Variants in LINGO2 observed in about 807,000 individuals in gnomAD.
LINGO2 encodes the protein leucine-rich repeat and immunoglobulin-like domain-containing nogo receptor-interacting protein 2.
Under a neutral mutation model 30.6 loss-of-function variants are expected in LINGO2, and 14 were observed. That is an observed-to-expected ratio of 0.46 (90% CI 0.30 to 0.72). LINGO2 has a LOEUF of 0.72. Ranked by LOEUF, LINGO2 falls within the 30% of genes least tolerant of loss-of-function variation. The pLI, the probability that LINGO2 is intolerant of heterozygous loss-of-function variation, is 0.07. For missense variants in LINGO2, 729 were observed against 751.7 expected, an observed-to-expected ratio of 0.97 and a Z score of 0.35; for synonymous variants, 317 against 288.5, an observed-to-expected ratio of 1.10 and a Z score of -1.00.
chr9:28,883,650 A>G, the LINGO2 span, among the ~76,000 whole-genome samples: 6,957 of 129,410 alleles, frequency 0.054, 1,092 homozygotes, highest in Admixed American at 0.095. Context: ...ATATATATAT[A>G]TATATATATA....
the LINGO2 span, among the ~76,000 whole-genome samples, chr9:29,082,764 T>C: frequency 6.6e-6 from 1 of 152,152 alleles, no homozygotes; most frequent in South Asian, 2.1e-4. Flanking sequence ...CATCAACAAG[T>C]GGGCGAAGGA....
At chr9:27,973,114 T>C (rs1305429373) in intron 5 of LINGO2, among the ~76,000 whole-genome samples, 1 of 152,174 alleles carries the variant, frequency 6.6e-6, no homozygotes, top group African/African-American at 2.4e-5. Flanking sequence ...GAGCAGATGG[T>C]AGGACTTCTT....
intron 4 of LINGO2, among the ~76,000 whole-genome samples, chr9:28,182,891 C>G (rs1480532447): frequency 1.3e-5 from 2 of 152,146 alleles, no homozygotes; most frequent in Non-Finnish European, 2.9e-5. Context: ...TTGTAGAAGA[C>G]AGTGTGGCGA....
At chr9:28,851,374 C>T in the LINGO2 span, among the ~76,000 whole-genome samples, 1 of 152,180 alleles carries the variant, frequency 6.6e-6, no homozygotes, top group Middle Eastern at 3.4e-3. Flanking sequence ...TTTCATATTG[C>T]TGCCTCTCTG....
the LINGO2 span, among the ~76,000 whole-genome samples, chr9:28,886,482 T>G: frequency 6.6e-6 from 1 of 152,140 alleles, no homozygotes; most frequent in Non-Finnish European, 1.5e-5. Context: ...TCCTTGGATT[T>G]GAGGGTAATG....
chr9:28,909,478 G>T, the LINGO2 span, among the ~76,000 whole-genome samples: 3 of 151,964 alleles, frequency 2.0e-5, no homozygotes, highest in South Asian at 4.1e-4. Flanking sequence ...TGATTACTGA[G>T]TGTTAAGTGT....
At chr9:28,455,136 A>G (rs1824794746) in intron 2 of LINGO2, among the ~76,000 whole-genome samples, 1 of 151,904 alleles carries the variant, frequency 6.6e-6, no homozygotes. Flanking sequence ...TGTAGGAAAA[A>G]TCATCATGCT....
chr9:28,592,717 T>C (rs1004301807), intron 1 of LINGO2, among the ~76,000 whole-genome samples: 2 of 152,022 alleles, frequency 1.3e-5, no homozygotes, highest in Admixed American at 6.6e-5. Flanking sequence ...AGACCAACCC[T>C]TGGAGAAAGG....
intron 4 of LINGO2, among the ~76,000 whole-genome samples, chr9:28,163,324 AGT>A: frequency 6.6e-6 from 1 of 152,160 alleles, no homozygotes; most frequent in East Asian, 1.9e-4. Context: ...GCAGACGTTG[AGT>A]GTGTGAGTAT....
chr9:28,029,475 A>G (rs1373583249), intron 4 of LINGO2, among the ~76,000 whole-genome samples: 3 of 152,202 alleles, frequency 2.0e-5, no homozygotes, highest in Admixed American at 6.6e-5. Flanking sequence ...GGCAAGAGAG[A>G]TAGTTAAGCC....
At chr9:28,240,405 G>A (rs1478709680) in intron 4 of LINGO2, among the ~76,000 whole-genome samples, 1 of 152,050 alleles carries the variant, frequency 6.6e-6, no homozygotes, top group Non-Finnish European at 1.5e-5. Context: ...AACCAAAACA[G>A]CATGGTACTG....
the LINGO2 span, among the ~76,000 whole-genome samples, chr9:28,760,990 T>G: frequency 1.1e-4 from 11 of 104,746 alleles, no homozygotes; most frequent in Non-Finnish European, 2.1e-4. Context: ...ACCCCACAGT[T>G]TCCTTATCCA....
intron 1 of LINGO2, among the ~76,000 whole-genome samples, chr9:28,513,289 T>C (rs539105956): frequency 6.6e-6 from 1 of 152,220 alleles, no homozygotes; most frequent in Admixed American, 6.5e-5. Flanking sequence ...CTAACTACTA[T>C]GAGCTAACTG....
chr9:28,593,051 C>T lies in LINGO2; in HGVS notation c.-365+77149G>A, dbSNP rs115482227. ...GAGGAATGGGGATGCATTATATTAA[C>T]AAATACTAATTACATTTCCTGCTTT... On this transcript the variant is annotated intron_variant, in intron 1 of 5. Coordinates refer to ENST00000379992, the Ensembl canonical transcript of LINGO2. Among the ~76,000 whole-genome samples the T allele has an allele frequency of 5.6e-3, 858 of 152,118 alleles. 10 individuals carry two copies. Among genetic ancestry groups the T allele is most frequent in the African/African-American group, 0.02 (827 of 41,532 alleles).
chr9:28,117,774 G>C (rs1041632238), intron 4 of LINGO2, among the ~76,000 whole-genome samples: 23 of 149,434 alleles, frequency 1.5e-4, no homozygotes, highest in Admixed American at 2.7e-4. Context: ...TCGGCTCGCG[G>C]ACGGTGCGCA....
intron 3 of LINGO2, among the ~76,000 whole-genome samples, chr9:28,341,524 C>T (rs1284495618): frequency 6.6e-6 from 1 of 152,040 alleles, no homozygotes; most frequent in African/African-American, 2.4e-5. Context: ...TCCATGAAAG[C>T]AGCTAATAAA....
At chr9:28,940,614 C>T in the LINGO2 span, among the ~76,000 whole-genome samples, 1 of 152,056 alleles carries the variant, frequency 6.6e-6, no homozygotes, top group Non-Finnish European at 1.5e-5. Context: ...AATAAGACTA[C>T]AGTGGCTAAT....
At chr9:28,277,838 AAAAAAAAAAAAC>A (rs1325755565) in intron 4 of LINGO2, among the ~76,000 whole-genome samples, 26 of 111,086 alleles carry the variant, frequency 2.3e-4, no homozygotes, top group South Asian at 1.1e-3. Flanking sequence ...AAAACAAAAC[AAAAAAAAAAAAC>A]AAAAAAAAAA....
chr9:28,603,614 T>C (rs545949818), intron 1 of LINGO2, among the ~76,000 whole-genome samples: 11 of 152,028 alleles, frequency 7.2e-5, no homozygotes, highest in Non-Finnish European at 1.3e-4. Context: ...ATTATAAATC[T>C]TGCATTCTCT....
Sources: allele counts gnomAD v4.1 joint callset (sites outside exome capture counted in the v4.1 genomes callset), GRCh38; gene constraint gnomAD v4.1.1; transcripts MANE v1.5; gene names NCBI Gene and HGNC (gene_info 2026-07-23, HGNC 2026-07-21).